Variants in NCAPD3 observed in about 807,000 individuals in gnomAD.
NCAPD3 encodes non-SMC condensin II complex subunit D3.
Under a neutral mutation model 182.9 loss-of-function variants are expected in NCAPD3, and 105 were observed. The observed-to-expected ratio is 0.57, with a 90% CI of 0.49 to 0.68. The LOEUF is 0.68. Ranked by LOEUF, NCAPD3 falls within the 30% of genes least tolerant of loss-of-function variation. The pLI is 0.00. For missense variants in NCAPD3, 1,944 were observed against 1,837.0 expected (o/e 1.06, Z -1.07); for synonymous variants, 815 against 679.9 (o/e 1.20, Z -3.09).
At chr11:134,164,865 G>C (rs527561683) in intron 27 of NCAPD3, among the ~76,000 whole-genome samples, 1 of 150,674 alleles carries the variant, frequency 6.6e-6, no homozygotes, top group Non-Finnish European at 1.5e-5. Flanking sequence ...TGAGCTTGAG[G>C]GAGCTACATA....
At chr11:134,213,200 T>C (rs1318892944) in intron 3 of NCAPD3, among the ~76,000 whole-genome samples, 1 of 152,144 alleles carries the variant, frequency 6.6e-6, no homozygotes, top group East Asian at 1.9e-4. Flanking sequence ...AATTAGCTTG[T>C]CATGGTGACT....
intron 7 of NCAPD3, among the ~76,000 whole-genome samples, 190 bp from the exon 8 acceptor site, chr11:134,206,922 C>G (rs1279680424): frequency 6.6e-6 from 1 of 152,152 alleles, no homozygotes; most frequent in African/African-American, 2.4e-5. Flanking sequence ...ACAATGTAAA[C>G]AGTGTGAAAG....
chr11:134,217,434 A>C (rs1389107179), intron 2 of NCAPD3, among the ~76,000 whole-genome samples: 2 of 151,856 alleles, frequency 1.3e-5, no homozygotes, highest in Non-Finnish European at 2.9e-5. Flanking sequence ...GTGATTATTC[A>C]GGAAAGTTAT....
At chr11:134,177,173 G>C (rs766931765) in intron 23 of NCAPD3, 46 bp downstream of exon 23, 3 of 1,420,616 alleles carry the variant, frequency 2.1e-6, no homozygotes, top group Non-Finnish European at 2.0e-6. Flanking sequence ...CCTTAAACCA[G>C]AAGCAATGGT....
chr11:134,190,117 C>G (rs565884805), intron 16 of NCAPD3, among the ~76,000 whole-genome samples: 5 of 152,308 alleles, frequency 3.3e-5, no homozygotes, highest in African/African-American at 1.2e-4. Context: ...AACCTCACTT[C>G]TGTTCTGCGT....
chr11:134,196,556 G>A (rs922877528), intron 13 of NCAPD3, among the ~76,000 whole-genome samples: 3 of 149,404 alleles, frequency 2.0e-5, no homozygotes, highest in Non-Finnish European at 4.4e-5. Flanking sequence ...TGAGGCAGGA[G>A]ATTTGCTTGA....
At chr11:134,188,552 T>C (rs531819433) in intron 16 of NCAPD3, among the ~76,000 whole-genome samples, 5 of 152,282 alleles carry the variant, frequency 3.3e-5, no homozygotes, top group African/African-American at 1.2e-4. Context: ...TGCGGCTTCA[T>C]TCCTGAAGTC....
rs747624529 is a variant in NCAPD3 at position 134,220,644 on chromosome 11, A to T, written c.147T>A (p.Thr49=). The T allele has an allele frequency of 6.2e-7, 1 of 1,614,088 alleles. No homozygotes were observed. The highest frequency in any genetic ancestry group is 2.2e-5 in the East Asian group (1 of 44,874). The change falls in exon 2 of 35, where the codon ACT becomes ACA. Residue 49 remains threonine, a synonymous_variant. Coordinates refer to ENST00000534548, the MANE Select transcript of NCAPD3 (RefSeq NM_015261.3). ...DPSIEAEIIE[T]GLAAFTKLYE... ...AGAGTTTTGTGAATGCAGCCAATCC[A>T]GTCTCTATGATCTCTGCTTCTATGC...
chr11:134,164,889 T>G (rs1943716736), intron 27 of NCAPD3, among the ~76,000 whole-genome samples: 1 of 145,276 alleles, frequency 6.9e-6, no homozygotes, highest in Admixed American at 6.9e-5. Flanking sequence ...ACTTGTGACA[T>G]GAGCTTAGGG....
Position 134,152,022 on chromosome 11 carries a change from C to CTT in NCAPD3, c.*920_*921dup, listed in dbSNP as rs1943254348. On this transcript the variant is annotated 3_prime_UTR_variant, in exon 35 of 35. Coordinates refer to ENST00000534548, the MANE Select transcript of NCAPD3 (RefSeq NM_015261.3). The stretch of plus-strand genomic sequence containing the variant: ...CCAAACCAACCAACGCACATCATCA[C>CTT]TTTGTACTTTTGCTTTTGTAATACT... 6.6e-6 allele frequency: 1 copy of CTT among 152,242 alleles called. No homozygotes were observed. The highest frequency in any genetic ancestry group is 2.4e-5 in the African/African-American group (1 of 41,456). 9.4% of individuals were successfully genotyped at this position (152,242 alleles called of 1,614,324 possible).
rs1472490032 is a variant in NCAPD3 at position 134,167,941 on chromosome 11, G to A, written c.3573+55C>T. 3 of 1,540,380 alleles carry A rather than the reference G, an allele frequency of 1.9e-6. No homozygotes were observed. In the African/African-American group the frequency reaches 4.1e-5, roughly 21 times the overall value. ...GGTGCACACTCGTGAGATGAGCTTA[G>A]GGGAGCAGCACACTCACTTGTGAGA... On this transcript the variant is annotated intron_variant, in intron 27 of 34. Transcript: ENST00000534548.
intron 19 of NCAPD3, among the ~76,000 whole-genome samples, chr11:134,183,475 C>T (rs957100821): frequency 1.1e-4 from 17 of 152,046 alleles, no homozygotes; most frequent in African/African-American, 1.7e-4. Flanking sequence ...GGCTGAGGCA[C>T]GAGAATTGCT....
At chr11:134,191,731 G>A (rs971495284) in intron 16 of NCAPD3, among the ~76,000 whole-genome samples, 7 of 152,180 alleles carry the variant, frequency 4.6e-5, no homozygotes, top group African/African-American at 1.7e-4. Context: ...AAAGCATAGG[G>A]TGGGTAGAGG....
chr11:134,160,845 C>T (rs539327772), intron 28 of NCAPD3, among the ~76,000 whole-genome samples: 1 of 152,152 alleles, frequency 6.6e-6, no homozygotes, highest in South Asian at 2.1e-4. Flanking sequence ...CTACTGACAA[C>T]AAGCAACGTG....
chr11:134,167,958 C>T, intron 27 of NCAPD3, 38 bp downstream of exon 27: 1 of 1,596,376 alleles, frequency 6.3e-7, no homozygotes, highest in Non-Finnish European at 8.6e-7. Flanking sequence ...AGCACACTCA[C>T]TTGTGAGAAG....
Position 134,203,692 on chromosome 11 carries a change from G to A in NCAPD3, c.1430C>T (p.Thr477Ile). 1 of 1,613,956 alleles carries A rather than the reference G, an allele frequency of 6.2e-7. No homozygotes were observed. Among genetic ancestry groups the A allele is most frequent in the Non-Finnish European group, 8.5e-7 (1 of 1,180,036 alleles). Residue 477 changes from threonine (T) to isoleucine (I), a missense_variant, in exon 11 of 35, where the codon ACC becomes ATC. Around this residue, in one of 3 missense-constraint regions of NCAPD3, gnomAD observed 1,803 missense variants for 1,674.6 expected, o/e 1.08. Transcript: ENST00000534548. ...CTCCAGGATACTCTCCGACGCACTG[G>A]TAACAGTCAACTCCAGACAGTGTGC... The part of the protein sequence containing the change: ...SFAHCLELTV[T>I]SASESILELL...
At chr11:134,223,974 C>G, upstream of NCAPD3, 1 of 1,598,476 alleles carries the variant, frequency 6.3e-7, no homozygotes, top group South Asian at 1.1e-5. Flanking sequence ...TTTCAAAGCT[C>G]GCTCCCGCGC....
chr11:134,216,653 G>A (rs575199394), intron 3 of NCAPD3, among the ~76,000 whole-genome samples: 24 of 152,154 alleles, frequency 1.6e-4, no homozygotes, highest in African/African-American at 5.3e-4. Context: ...AATTTTAGAC[G>A]GCCGTGGTGG....
Position 134,151,523 on chromosome 11 carries a change from A to G in NCAPD3, c.*1421T>C, listed in dbSNP as rs1943234505. ...ATGGGAACCAGGTCTGAAAAAGTAG[A>G]GAGAAGTGAAAGTAGAGTCTGGGAA... On this transcript the variant is annotated 3_prime_UTR_variant, in exon 35 of 35. Coordinates refer to ENST00000534548, the MANE Select transcript of NCAPD3 (RefSeq NM_015261.3). The G allele has an allele frequency of 6.6e-6, 1 of 152,254 alleles. No individual in the cohort carries two copies. The highest frequency in any genetic ancestry group is 2.4e-5 in the African/African-American group (1 of 41,464). 9.4% of individuals were successfully genotyped at this position (152,254 alleles called of 1,614,324 possible). A position where few individuals can be genotyped will look rare whatever the true frequency, so the allele number is the denominator to read the frequency against.
Sources: allele counts gnomAD v4.1 joint callset (sites outside exome capture counted in the v4.1 genomes callset), GRCh38; gene constraint gnomAD v4.1.1; regional missense constraint gnomAD v4.1.1; transcripts MANE v1.5; gene names NCBI Gene and HGNC (gene_info 2026-07-23, HGNC 2026-07-21).